Variants in FHIT observed in about 807,000 individuals in gnomAD.
FHIT encodes the protein fragile histidine triad diadenosine triphosphatase.
A neutral mutation model predicts 17.9 loss-of-function variants in FHIT; 19 were observed. The ratio of observed to expected loss-of-function variants is 1.06; its 90% CI spans 0.74 to 1.56. The LOEUF is 1.56. Among genes scored for constraint, FHIT ranks in the 40% most tolerant of loss-of-function variants. The pLI, the probability that FHIT is intolerant of heterozygous loss-of-function variation, is 0.00. For synonymous variants in FHIT, 81 were observed against 69.7 expected, an observed-to-expected ratio of 1.16 and a Z score of -0.81; for missense variants, 248 against 189.2, an observed-to-expected ratio of 1.31 and a Z score of -1.82.
chr3:60,960,252 A>T (rs754395831), intron 3 of FHIT, among the ~76,000 whole-genome samples: 37 of 152,176 alleles, frequency 2.4e-4, no homozygotes, highest in Non-Finnish European at 5.1e-4. Flanking sequence ...GAGTCGACTG[A>T]GAGATGACTT....
chr3:60,780,912 A>G (rs894207723), intron 4 of FHIT, among the ~76,000 whole-genome samples: 1 of 152,162 alleles, frequency 6.6e-6, no homozygotes, highest in Non-Finnish European at 1.5e-5. Flanking sequence ...GAAGTGCTCT[A>G]TCAGGGACTC....
At chr3:60,359,400 C>T (rs913121675) in intron 5 of FHIT, among the ~76,000 whole-genome samples, 3 of 150,790 alleles carry the variant, frequency 2.0e-5, no homozygotes, top group South Asian at 2.1e-4. Flanking sequence ...CCTGCCTCAG[C>T]CTCCCAAGTA....
At chr3:60,937,178 G>T (rs944193257) in intron 3 of FHIT, among the ~76,000 whole-genome samples, 1 of 152,174 alleles carries the variant, frequency 6.6e-6, no homozygotes, top group Non-Finnish European at 1.5e-5. Context: ...GGGAAAATGT[G>T]CAAATATTTC....
chr3:60,708,360 A>G (rs2041426943), intron 4 of FHIT, among the ~76,000 whole-genome samples: 1 of 152,216 alleles, frequency 6.6e-6, no homozygotes, highest in African/African-American at 2.4e-5. Flanking sequence ...TACCAAAAGC[A>G]CATTCATTTC....
At chr3:61,062,691 G>A (rs533302535) in intron 2 of FHIT, among the ~76,000 whole-genome samples, 67 of 152,230 alleles carry the variant, frequency 4.4e-4, no homozygotes, top group Middle Eastern at 3.4e-3. Flanking sequence ...ATAGAAATGA[G>A]CAAATCTTGA....
chr3:60,016,589 G>C (rs755162592), intron 5 of FHIT, among the ~76,000 whole-genome samples: 8 of 152,152 alleles, frequency 5.3e-5, no homozygotes, highest in Non-Finnish European at 8.8e-5. Context: ...TCTAATGTCC[G>C]CAACTGTCAT....
At chr3:60,388,378 C>T (rs371728140) in intron 5 of FHIT, among the ~76,000 whole-genome samples, 1 of 152,070 alleles carries the variant, frequency 6.6e-6, no homozygotes, top group African/African-American at 2.4e-5. Flanking sequence ...GGCAGGCAGA[C>T]TGCTTGAGTC....
intron 3 of FHIT, among the ~76,000 whole-genome samples, chr3:60,851,007 C>T (rs1448325382): frequency 6.6e-6 from 1 of 152,106 alleles, no homozygotes; most frequent in Admixed American, 6.6e-5. Flanking sequence ...CATATACACA[C>T]ATACACAAAG....
intron 5 of FHIT, among the ~76,000 whole-genome samples, chr3:60,051,468 C>A (rs1213491007): frequency 2.0e-5 from 3 of 151,892 alleles, no homozygotes; most frequent in Non-Finnish European, 2.9e-5. Flanking sequence ...AGGGCTCGGA[C>A]ACCAGATCAA....
chr3:60,778,181 T>C (rs1553724942), intron 4 of FHIT, among the ~76,000 whole-genome samples: 1 of 152,214 alleles, frequency 6.6e-6, no homozygotes, highest in Non-Finnish European at 1.5e-5. Context: ...GAGTATATGC[T>C]ATCAACCATA....
At chr3:59,987,222 A>G (rs889715750) in intron 7 of FHIT, among the ~76,000 whole-genome samples, 6 of 150,010 alleles carry the variant, frequency 4.0e-5, no homozygotes, top group African/African-American at 1.5e-4. Flanking sequence ...TTATTTATTT[A>G]GGACTGCTTT....
chr3:60,057,583 T>C (rs1423379846), intron 5 of FHIT, among the ~76,000 whole-genome samples: 1 of 152,092 alleles, frequency 6.6e-6, no homozygotes, highest in Non-Finnish European at 1.5e-5. Flanking sequence ...AATAATCCCA[T>C]AGATAGTTTT....
intron 5 of FHIT, among the ~76,000 whole-genome samples, chr3:60,168,123 T>G (rs1444091589): frequency 6.6e-6 from 1 of 152,202 alleles, no homozygotes; most frequent in Non-Finnish European, 1.5e-5. Flanking sequence ...TTGATGTTCA[T>G]AGTTGCAGAA....
intron 5 of FHIT, among the ~76,000 whole-genome samples, chr3:60,067,840 G>C (rs1346046220): frequency 6.6e-6 from 1 of 152,210 alleles, no homozygotes; most frequent in Non-Finnish European, 1.5e-5. Flanking sequence ...AGTGATGGTG[G>C]GTTCAGACTA....
chr3:60,898,569 C>G (rs1419576686), intron 3 of FHIT, among the ~76,000 whole-genome samples: 3 of 152,168 alleles, frequency 2.0e-5, no homozygotes, highest in African/African-American at 7.2e-5. Flanking sequence ...TGCAAAAGCA[C>G]CAGATAAGCA....
intron 4 of FHIT, among the ~76,000 whole-genome samples, chr3:60,716,506 T>C (rs1416569260): frequency 1.3e-5 from 2 of 152,154 alleles, no homozygotes; most frequent in Non-Finnish European, 2.9e-5. Flanking sequence ...CTCATCCAAC[T>C]GGCAGGTCTT....
intron 2 of FHIT, among the ~76,000 whole-genome samples, chr3:61,114,576 A>G (rs970808731): frequency 1.3e-5 from 2 of 152,134 alleles, no homozygotes; most frequent in Admixed American, 1.3e-4. Flanking sequence ...AAAAAAAACA[A>G]TCATTGGTGC....
chr3:61,205,582 G>C (rs1406114767), intron 1 of FHIT, among the ~76,000 whole-genome samples: 1 of 152,196 alleles, frequency 6.6e-6, no homozygotes, highest in Admixed American at 6.5e-5. Flanking sequence ...GTGATGGTGA[G>C]CATTTTTTCA....
intron 4 of FHIT, among the ~76,000 whole-genome samples, chr3:60,693,495 G>A (rs991518584): frequency 2.0e-5 from 3 of 152,130 alleles, no homozygotes; most frequent in Admixed American, 6.5e-5. Context: ...ACCAGCCTCT[G>A]AAAATCCCTG....
Sources: allele counts gnomAD v4.1 joint callset (sites outside exome capture counted in the v4.1 genomes callset), GRCh38; gene constraint gnomAD v4.1.1; transcripts MANE v1.5; gene names NCBI Gene and HGNC (gene_info 2026-07-23, HGNC 2026-07-21).